The following JAKMIP1 variants were observed in gnomAD, a reference collection of about 807,000 sequenced individuals.
The protein encoded by JAKMIP1 is janus kinase and microtubule interacting protein 1.
In JAKMIP1, 33 loss-of-function variants were observed where a neutral mutation model predicts 113.0. The ratio of observed to expected loss-of-function variants is 0.29; its 90% CI spans 0.22 to 0.39. JAKMIP1 has a LOEUF of 0.39. Ranked by LOEUF, JAKMIP1 falls within the 10% of genes least tolerant of loss-of-function variation. JAKMIP1 has a pLI of 1.00. For missense variants in JAKMIP1, 813 were observed against 1,080.5 expected, an observed-to-expected ratio of 0.75 and a Z score of 3.47; for synonymous variants, 480 against 459.9, an observed-to-expected ratio of 1.04 and a Z score of -0.56.
chr4:6,189,800 T>A (rs1412314744), intron 1 of JAKMIP1, among the ~76,000 whole-genome samples: 1 of 152,092 alleles, frequency 6.6e-6, no homozygotes, highest in African/African-American at 2.4e-5. Flanking sequence ...TGATGGATCT[T>A]AAGCACAAGT....
chr4:6,063,476 G>A (rs529640835), intron 9 of JAKMIP1, among the ~76,000 whole-genome samples: 5 of 152,370 alleles, frequency 3.3e-5, no homozygotes, highest in Admixed American at 3.3e-4. Flanking sequence ...CTGATGGACT[G>A]TTGTGTGCCT....
intron 1 of JAKMIP1, among the ~76,000 whole-genome samples, chr4:6,146,498 T>G (rs1013342838): frequency 6.6e-6 from 1 of 152,142 alleles, no homozygotes; most frequent in African/African-American, 2.4e-5. Context: ...TTCACCCTGT[T>G]GCCCAGGCTG....
chr4:6,160,360 C>T (rs1271562392), intron 1 of JAKMIP1, among the ~76,000 whole-genome samples: 2 of 152,100 alleles, frequency 1.3e-5, no homozygotes, highest in African/African-American at 2.4e-5. Context: ...AACTGGAAGA[C>T]GATCCCATTT....
chr4:6,031,028 A>G lies in JAKMIP1; in HGVS notation c.2380-1247T>C, dbSNP rs898918905. On this transcript the variant is annotated intron_variant, in intron 19 of 20. Coordinates refer to ENST00000409021, the MANE Select transcript of JAKMIP1 (RefSeq NM_001099433.2). This position sits in a 1 kb window ranked among gnomAD's most constrained non-coding sequence, Gnocchi z 4.4. ...GACTCCATATGCCTGGGCCTGTTCC[A>G]GTCCTGGAGAGAAAGACAAAGTCCC... Among the ~76,000 whole-genome samples, 3 of 152,232 alleles carry G rather than the reference A, an allele frequency of 2.0e-5. No homozygotes were observed. Among genetic ancestry groups the G allele is most frequent in the African/African-American group, 7.2e-5 (3 of 41,446 alleles).
At chr4:6,175,211 G>C (rs1440834991) in intron 1 of JAKMIP1, among the ~76,000 whole-genome samples, 2 of 152,124 alleles carry the variant, frequency 1.3e-5, no homozygotes, top group African/African-American at 2.4e-5. Context: ...CTGAGGCCCT[G>C]AAGGCTCAGA....
chr4:6,128,306 C>T (rs1718025662), intron 1 of JAKMIP1, among the ~76,000 whole-genome samples: 1 of 152,200 alleles, frequency 6.6e-6, no homozygotes. Context: ...ATCAGAGCCC[C>T]ACAAGTGGTG....
intron 20 of JAKMIP1, among the ~76,000 whole-genome samples, chr4:6,027,633 T>C (rs1274176164): frequency 3.9e-5 from 6 of 152,136 alleles, no homozygotes; most frequent in Non-Finnish European, 2.9e-5. Flanking sequence ...CCTGGCCAGT[T>C]CCTCCTGCTC....
chr4:6,166,357 T>A (rs556317761), intron 1 of JAKMIP1, among the ~76,000 whole-genome samples: 8 of 152,310 alleles, frequency 5.3e-5, no homozygotes, highest in African/African-American at 1.7e-4. Flanking sequence ...CAGGCAAGAC[T>A]GGCCCAGGTC....
At position 6,053,971 on chromosome 4, in the gene JAKMIP1, A is replaced by G. The variant is rs1716002708; in HGVS notation, c.1806+79T>C. On this transcript the variant is annotated intron_variant, in intron 13 of 20. Coordinates refer to ENST00000409021, the MANE Select transcript of JAKMIP1 (RefSeq NM_001099433.2). ...TTACACATGCTTGAAAACATCTGAGAGCTTTACATGAATTTCAGTTTGGGT... is the reference window on the plus strand; with the variant it reads ...TTACACATGCTTGAAAACATCTGAGGGCTTTACATGAATTTCAGTTTGGGT... 2.5e-6 allele frequency: 4 copies of G among 1,611,516 alleles called. No individual in the cohort carries two copies. In the African/African-American group the frequency reaches 4.0e-5, roughly 16 times the overall value.
rs946087385 is a variant in JAKMIP1, at chr4:6,069,398, G to C, written c.1303-4390C>G. Among the ~76,000 whole-genome samples the C allele has an allele frequency of 2.0e-5, 3 of 152,170 alleles. No individual in the cohort carries two copies. The highest frequency in any genetic ancestry group is 2.9e-5 in the Non-Finnish European group (2 of 68,032). On this transcript the variant is annotated intron_variant, in intron 8 of 20. Coordinates refer to ENST00000409021, the MANE Select transcript of JAKMIP1 (RefSeq NM_001099433.2). This position sits in a 1 kb window ranked among gnomAD's most constrained non-coding sequence, Gnocchi z 4.5. ...ATTCCTCTAGCCTTCCATGTTCCTT[G>C]CAACCAAAGCCTCTCCTTGTTGACT...
In JAKMIP1 at chr4:6,177,599, T is replaced by C. The variant is rs139454435; in HGVS notation, c.-148+22654A>G. Among the ~76,000 whole-genome samples the C allele has an allele frequency of 3.3e-3, 504 of 152,280 alleles. 3 individuals carry two copies. The highest frequency in any genetic ancestry group is 5.0e-3 in the Non-Finnish European group (343 of 68,022). ...GCTGTGTGACCTGCATCATCACACC[T>C]CACTTCTCTGTCCTGAGGCTGTTGT... On this transcript the variant is annotated intron_variant, in intron 1 of 20. Transcript: ENST00000409021.
rs368830570 is a variant in JAKMIP1, at chr4:6,095,061, G to A, written c.625-9432C>T. On this transcript the variant is annotated intron_variant, in intron 3 of 20. Coordinates refer to ENST00000409021, the MANE Select transcript of JAKMIP1 (RefSeq NM_001099433.2). ...AGGGAGGGAGGAAGGAAGGAAAGAA[G>A]GAAAGTGGAAGGAAGGGGGAGTGGG... Among the ~76,000 whole-genome samples the A allele has an allele frequency of 8.2e-5, 11 of 134,448 alleles. No homozygotes were observed. In the East Asian group the frequency reaches 1.4e-3, roughly 17 times the overall value. 88.2% of individuals were successfully genotyped at this position (134,448 alleles called of 152,430 possible).
rs1714403792 is a variant in JAKMIP1, at chr4:6,042,133, C to CA, written c.2097+25dup. On this transcript the variant is annotated intron_variant, in intron 17 of 20. Transcript: ENST00000409021. The surrounding 1 kb of genome is among the most constrained non-coding windows in gnomAD (Gnocchi z 5.2). ...TCTGAGCTCTTTGAACCCTCTCCCC[C>CA]ACCCCCAGGCAGTCAAATCTTTTAC... 1 of 1,598,030 alleles carries CA rather than the reference C, an allele frequency of 6.3e-7. No individual in the cohort carries two copies.
chr4:6,176,487 C>T lies in JAKMIP1; in HGVS notation c.-148+23766G>A, dbSNP rs184991962. Among the ~76,000 whole-genome samples, 1 of 152,306 alleles carries T rather than the reference C, an allele frequency of 6.6e-6. No homozygotes were observed. The highest frequency in any genetic ancestry group is 6.5e-5 in the Admixed American group (1 of 15,294). On this transcript the variant is annotated intron_variant, in intron 1 of 20. Transcript: ENST00000409021. This position sits in a 1 kb window ranked among gnomAD's most constrained non-coding sequence, Gnocchi z 5.5. ...TACATTTTAATCTATTTACCAAGCT[C>T]CTCAGTACTCCTACCACAGGACGGT...
At chr4:6,123,636 A>C (rs1456066892) in intron 1 of JAKMIP1, among the ~76,000 whole-genome samples, 1 of 152,176 alleles carries the variant, frequency 6.6e-6, no homozygotes, top group Non-Finnish European at 1.5e-5. Context: ...TTTGGGCAAG[A>C]GAGGAAGACC....
intron 1 of JAKMIP1, among the ~76,000 whole-genome samples, chr4:6,166,592 T>C (rs1723662433): frequency 6.6e-6 from 1 of 152,242 alleles, no homozygotes; most frequent in Non-Finnish European, 1.5e-5. Flanking sequence ...TGCATAACTC[T>C]GAATAATAAT....
intron 1 of JAKMIP1, among the ~76,000 whole-genome samples, chr4:6,122,301 G>C (rs1203810602): frequency 6.6e-6 from 1 of 152,152 alleles, no homozygotes; most frequent in Non-Finnish European, 1.5e-5. Flanking sequence ...ACTCCAGCCT[G>C]GGCGACAGAG....
chr4:6,102,756 G>T, intron 3 of JAKMIP1, among the ~76,000 whole-genome samples: 1 of 97,054 alleles, frequency 1.0e-5, no homozygotes, highest in East Asian at 2.2e-4. Context: ...TTTTTTGAGA[G>T]GGAGTCTCAC....
chr4:6,190,508 C>A (rs1474672561), intron 1 of JAKMIP1, among the ~76,000 whole-genome samples: 1 of 152,166 alleles, frequency 6.6e-6, no homozygotes, highest in East Asian at 1.9e-4. Flanking sequence ...GCCATTTCCA[C>A]CTGTGCAAGC....
Sources: gnomAD v4.1 joint callset for allele counts (sites outside exome capture counted in the v4.1 genomes callset) on GRCh38, gnomAD v4.1.1 for gene constraint, Gnocchi (gnomAD v3.1) non-coding constraint, MANE v1.5 for transcripts, NCBI Gene and HGNC (gene_info 2026-07-23, HGNC 2026-07-21) for gene names.